CNTN4: variants seen among roughly 807,000 people sequenced by gnomAD.
CNTN4 encodes the protein contactin 4.
A neutral mutation model predicts 122.5 loss-of-function variants in CNTN4; 77 were observed. The observed-to-expected ratio is 0.63, with a 90% CI of 0.52 to 0.76. CNTN4 has a LOEUF of 0.76. CNTN4 is among the 30% of genes least tolerant of loss of function. CNTN4 has a pLI of 0.00. For missense variants in CNTN4, 1,256 were observed against 1,259.1 expected (o/e 1.00, Z 0.04); for synonymous variants, 512 against 447.0 (o/e 1.15, Z -1.83).
At chr3:2,999,503 G>C (rs1016530373) in intron 14 of CNTN4, among the ~76,000 whole-genome samples, 10 of 152,130 alleles carry the variant, frequency 6.6e-5, no homozygotes, top group African/African-American at 2.4e-4. Context: ...GGGCTGGGAA[G>C]TCCAAGATCA....
intron 5 of CNTN4, among the ~76,000 whole-genome samples, chr3:2,737,328 G>A (rs755088838): frequency 3.9e-5 from 6 of 152,018 alleles, no homozygotes; most frequent in Non-Finnish European, 7.4e-5. Context: ...TGATCTGCCC[G>A]CCTCGGCCTC....
chr3:2,639,678 T>A (rs1470407870), intron 4 of CNTN4, among the ~76,000 whole-genome samples: 1 of 152,264 alleles, frequency 6.6e-6, no homozygotes, highest in Admixed American at 6.5e-5. Context: ...TGAATGAATT[T>A]TTCTTTGTCT....
intron 14 of CNTN4, among the ~76,000 whole-genome samples, chr3:2,997,468 T>A (rs895447684): frequency 5.3e-5 from 8 of 152,206 alleles, no homozygotes; most frequent in Admixed American, 2.6e-4. Flanking sequence ...AATTCATGAG[T>A]GACTCTCCCC....
At chr3:2,686,784 T>C (rs1329554313) in intron 4 of CNTN4, among the ~76,000 whole-genome samples, 3 of 152,184 alleles carry the variant, frequency 2.0e-5, no homozygotes, top group African/African-American at 7.2e-5. Flanking sequence ...TGCTATCCTC[T>C]GCTGTGGACT....
At chr3:2,910,698 GAATA>G (rs1044978797) in intron 12 of CNTN4, among the ~76,000 whole-genome samples, 14 of 150,812 alleles carry the variant, frequency 9.3e-5, no homozygotes, top group Non-Finnish European at 1.9e-4. Flanking sequence ...ATTTGTGAAT[GAATA>G]AATAAATGAA....
chr3:2,526,182 C>T (rs1415031730), intron 3 of CNTN4, among the ~76,000 whole-genome samples: 2 of 152,102 alleles, frequency 1.3e-5, no homozygotes, highest in Admixed American at 6.6e-5. Context: ...CCTTCATGCG[C>T]CCCACAATCT....
intron 4 of CNTN4, among the ~76,000 whole-genome samples, chr3:2,633,092 T>C (rs2082513902): frequency 6.6e-6 from 1 of 151,876 alleles, no homozygotes; most frequent in Admixed American, 6.6e-5. Context: ...TTTTTATAAA[T>C]AGTCTTCTCC....
intron 2 of CNTN4, among the ~76,000 whole-genome samples, chr3:2,325,595 T>A (rs2150243874): frequency 6.6e-6 from 1 of 152,308 alleles, no homozygotes; most frequent in South Asian, 2.1e-4. Context: ...GCTCAAGCCC[T>A]CCAGTGGATG....
chr3:2,742,173 C>T (rs2149528317), intron 5 of CNTN4, among the ~76,000 whole-genome samples: 1 of 129,532 alleles, frequency 7.7e-6, no homozygotes, highest in East Asian at 2.4e-4. Context: ...AGTGAGTCTC[C>T]ATGGGGATCT....
chr3:2,125,925 G>A (rs1010253671), intron 2 of CNTN4, among the ~76,000 whole-genome samples: 3 of 148,136 alleles, frequency 2.0e-5, no homozygotes, highest in Non-Finnish European at 4.5e-5. Flanking sequence ...GTGTGTGTGT[G>A]TGTATGTGTG....
intron 4 of CNTN4, among the ~76,000 whole-genome samples, chr3:2,715,088 G>A (rs2087409869): frequency 1.3e-5 from 2 of 152,062 alleles, no homozygotes; most frequent in South Asian, 4.1e-4. Flanking sequence ...TTTATCTATG[G>A]TAGAGCTTTC....
At chr3:2,742,833 C>T (rs550405980) in intron 5 of CNTN4, among the ~76,000 whole-genome samples, 19 of 152,240 alleles carry the variant, frequency 1.2e-4, no homozygotes, top group Non-Finnish European at 2.5e-4. Flanking sequence ...AAGCGTGTTT[C>T]AGTATACAGT....
At chr3:2,637,397 G>C (rs1457603539) in intron 4 of CNTN4, among the ~76,000 whole-genome samples, 1 of 152,034 alleles carries the variant, frequency 6.6e-6, no homozygotes, top group Non-Finnish European at 1.5e-5. Context: ...TCCAAATTCT[G>C]GCTTTTTTAA....
Position 2,736,338 on chromosome 3 carries a change from T to C in CNTN4, c.179T>C (p.Ile60Thr), listed in dbSNP as rs748844430. 6.2e-7 allele frequency: 1 copy of C among 1,613,562 alleles called. No homozygotes were observed. Among genetic ancestry groups the C allele is most frequent in the South Asian group, 1.1e-5 (1 of 91,066 alleles). The change falls in exon 5 of 25, where the codon ATC (isoleucine) becomes ACC (threonine). Residue 60 changes from isoleucine (I) to threonine (T), a missense_variant. By Grantham distance (89) the Ile-to-Thr change is moderately conservative. Transcript: ENST00000418658. ...CEVKGNPKPHIRWKLNGTDVD... is the reference protein window; with the variant it reads ...CEVKGNPKPHTRWKLNGTDVD... ...GTTAAAGGAAATCCAAAACCTCATA[T>C]CAGGTTTGTTGATGTAAAAGCATGT... is the stretch of plus-strand genomic sequence containing the variant.
At chr3:2,683,636 T>C (rs1241677169) in intron 4 of CNTN4, among the ~76,000 whole-genome samples, 1 of 123,238 alleles carries the variant, frequency 8.1e-6, no homozygotes, top group African/African-American at 3.9e-5. Context: ...AGTATTAACT[T>C]GTTTATCAGA....
chr3:2,385,778 A>G lies in CNTN4; in HGVS notation c.-89+46545A>G, dbSNP rs952437605. 3.3e-5 allele frequency among the ~76,000 whole-genome samples: 5 copies of G among 152,158 alleles called. No individual in the cohort carries two copies. Among genetic ancestry groups the G allele is most frequent in the Middle Eastern group, 3.4e-3 (1 of 294 alleles). On this transcript the variant is annotated intron_variant, in intron 3 of 24. Coordinates refer to ENST00000418658, the MANE Select transcript of CNTN4 (RefSeq NM_175607.3). This position sits in a 1 kb window ranked among gnomAD's most constrained non-coding sequence, Gnocchi z 4.0. ...GGATATGACCTATCCTAATGAACTCATCTTAACTTGGTTACATTTGCAAAG... is the reference window on the plus strand; with the variant it reads ...GGATATGACCTATCCTAATGAACTCGTCTTAACTTGGTTACATTTGCAAAG...
intron 4 of CNTN4, among the ~76,000 whole-genome samples, chr3:2,710,144 C>T (rs534222183): frequency 2.6e-5 from 4 of 152,224 alleles, no homozygotes; most frequent in Admixed American, 6.5e-5. Context: ...ATGAGCATTT[C>T]GGGGCATCAC....
chr3:2,856,891 T>A (rs944335499), intron 7 of CNTN4, among the ~76,000 whole-genome samples: 1 of 152,132 alleles, frequency 6.6e-6, no homozygotes, highest in Admixed American at 6.5e-5. Context: ...CACAGAGGAT[T>A]TGTGTGGGAA....
intron 2 of CNTN4, among the ~76,000 whole-genome samples, chr3:2,174,764 A>G (rs934132243): frequency 7.2e-5 from 11 of 152,334 alleles, no homozygotes; most frequent in Non-Finnish European, 1.5e-4. Flanking sequence ...TGGCATTGGC[A>G]TCTGCTCAGC....
Sources: allele counts gnomAD v4.1 joint callset (sites outside exome capture counted in the v4.1 genomes callset), GRCh38; gene constraint gnomAD v4.1.1; non-coding constraint Gnocchi (gnomAD v3.1); transcripts MANE v1.5; gene names NCBI Gene and HGNC (gene_info 2026-07-23, HGNC 2026-07-21).